The following ZNF160 variants were observed in gnomAD, a reference collection of about 807,000 sequenced individuals.
ZNF160 encodes KRAB zinc finger protein KR18.
In ZNF160, 9 loss-of-function variants were observed where a neutral mutation model predicts 13.1. The observed-to-expected ratio is 0.69, with a 90% CI of 0.41 to 1.20. The LOEUF (loss-of-function observed/expected upper bound fraction) is 1.20, where lower values mean the gene tolerates loss of function less well. Ranked by LOEUF, ZNF160 falls within the 50% of genes most tolerant of loss-of-function variation. The pLI, the probability that ZNF160 is intolerant of heterozygous loss-of-function variation, is 0.01. For synonymous variants in ZNF160, 293 were observed against 333.2 expected, an observed-to-expected ratio of 0.88 and a Z score of 1.31; for missense variants, 838 against 988.0, an observed-to-expected ratio of 0.85 and a Z score of 2.04.
At chr19:53,094,927 G>A (rs1182461875) in intron 1 of ZNF160, among the ~76,000 whole-genome samples, 2 of 151,812 alleles carry the variant, frequency 1.3e-5, no homozygotes, top group South Asian at 2.1e-4. Flanking sequence ...GGCCCTGCCC[G>A]CTTCCCACAG....
At chr19:53,075,325 C>T in intron 3 of ZNF160, 142 bp from the exon 4 acceptor site, 1 of 1,089,146 alleles carries the variant, frequency 9.2e-7, no homozygotes, top group East Asian at 2.5e-5. Context: ...ATGTGACATA[C>T]AGATTTGGTC....
At chr19:53,093,459 A>G (rs750465707) in intron 1 of ZNF160, 1 of 152,004 alleles carries the variant, frequency 6.6e-6, no homozygotes, top group Non-Finnish European at 1.5e-5. Flanking sequence ...AAAAAAGAAG[A>G]AAGGATGGAA....
intron 1 of ZNF160, 139 bp downstream of exon 1, chr19:53,103,126 C>T (rs2085509694): frequency 2.0e-5 from 3 of 151,984 alleles, no homozygotes; most frequent in African/African-American, 4.8e-5. Context: ...GCAGGAAAAT[C>T]CTGCTTAAAC....
chr19:53,090,561 A>C (rs948976183), intron 2 of ZNF160, among the ~76,000 whole-genome samples: 4 of 152,326 alleles, frequency 2.6e-5, no homozygotes, highest in Admixed American at 2.6e-4. Flanking sequence ...CACTTTTCCT[A>C]GTGGAGTGGA....
At position 53,097,913 on chromosome 19, in the gene ZNF160, G is replaced by A. The variant is rs573020696; in HGVS notation, c.-354+5352C>T. On this transcript the variant is annotated intron_variant, in intron 1 of 5. Coordinates refer to ENST00000683776, the MANE Select transcript of ZNF160 (RefSeq NM_001322131.2). ...GGGATCCACACCCTCAGGCCAAGGC[G>A]CCCATCCTCCTGCTGCTGAAGCTCC... Among the ~76,000 whole-genome samples, 19 of 152,270 alleles carry A rather than the reference G, an allele frequency of 1.2e-4. No individual in the cohort carries two copies. In the South Asian group the frequency reaches 3.3e-3, roughly 27 times the overall value.
intron 2 of ZNF160, among the ~76,000 whole-genome samples, chr19:53,088,537 T>A (rs2084926568): frequency 6.6e-6 from 1 of 151,732 alleles, no homozygotes. Context: ...AAAAAAGAAT[T>A]GAAGACAAAG....
intron 3 of ZNF160, among the ~76,000 whole-genome samples, chr19:53,077,565 G>T (rs964629373): frequency 6.6e-6 from 1 of 151,286 alleles, no homozygotes; most frequent in African/African-American, 2.4e-5. Context: ...AGCTACTCAG[G>T]AGGCTGAGAC....
intron 3 of ZNF160, among the ~76,000 whole-genome samples, chr19:53,077,660 C>A: frequency 7.7e-6 from 1 of 129,178 alleles, no homozygotes; most frequent in Non-Finnish European, 1.6e-5. Flanking sequence ...CAGAGTGAGA[C>A]TCCATCTCAA....
rs2083982673 is a variant in ZNF160, at chr19:53,066,742, G to A, written c.*1335C>T. 1 of 152,180 alleles carries A rather than the reference G, an allele frequency of 6.6e-6. No homozygotes were observed. Among genetic ancestry groups the A allele is most frequent in the African/African-American group, 2.4e-5 (1 of 41,442 alleles). The allele number at this position is 152,180 out of a possible 1,614,324, so 9.4% of individuals were successfully genotyped here. A position where few individuals can be genotyped will look rare whatever the true frequency, so the allele number is the denominator to read the frequency against. On this transcript the variant is annotated 3_prime_UTR_variant, in exon 6 of 6. Coordinates refer to ENST00000683776, the MANE Select transcript of ZNF160 (RefSeq NM_001322131.2). ...CTAAAGAATATGTTACTCTACTTCT[G>A]TTGATTAAACTCTTCACTCTGACAA...
chr19:53,074,334 A>G, intron 4 of ZNF160, 66 bp from the exon 5 acceptor site: 1 of 1,589,200 alleles, frequency 6.3e-7, no homozygotes, highest in Non-Finnish European at 8.6e-7. Flanking sequence ...CTATGTTTAC[A>G]TGAGAGGACA....
intron 1 of ZNF160, among the ~76,000 whole-genome samples, chr19:53,103,029 C>G (rs559569184): frequency 1.4e-4 from 22 of 152,198 alleles, no homozygotes; most frequent in Middle Eastern, 3.4e-3. Flanking sequence ...CAGGGGCCGA[C>G]GAGAGCGAGG....
intron 1 of ZNF160, among the ~76,000 whole-genome samples, chr19:53,097,323 C>T (rs1272578566): frequency 1.4e-5 from 2 of 147,692 alleles, no homozygotes; most frequent in Non-Finnish European, 1.5e-5. Context: ...TCTTGAGTTG[C>T]ACCCACAGAC....
chr19:53,098,805 G>C (rs1445238782), intron 1 of ZNF160, among the ~76,000 whole-genome samples: 1 of 151,110 alleles, frequency 6.6e-6, no homozygotes. Context: ...GTAGAGCGCG[G>C]AAGACCCGGG....
At chr19:53,090,806 G>GC (rs2085006594) in intron 2 of ZNF160, among the ~76,000 whole-genome samples, 1 of 152,160 alleles carries the variant, frequency 6.6e-6, no homozygotes, top group Admixed American at 6.5e-5. Context: ...CGCAATGAAG[G>GC]GCGAGGCTTA....
rs2084100252 is a variant in ZNF160 at position 53,069,857 on chromosome 19, C to A, written c.677G>T (p.Ser226Ile). 1 of 1,613,952 alleles carries A rather than the reference C, an allele frequency of 6.2e-7. No individual in the cohort carries two copies. Among genetic ancestry groups the A allele is most frequent in the Non-Finnish European group, 8.5e-7 (1 of 1,180,038 alleles). Residue 226 changes from serine (S) to isoleucine (I), a missense_variant, in exon 6 of 6, where the codon AGT (serine) becomes ATT (isoleucine). By Grantham distance (142) the Ser-to-Ile change is moderately radical (BLOSUM62 -2). Around this residue, in one of 3 missense-constraint regions of ZNF160, gnomAD observed 387 missense variants for 402.3 expected, o/e 0.96. Transcript: ENST00000683776. This position sits in a 1 kb window ranked among gnomAD's most constrained non-coding sequence, Gnocchi z 4.4. The stretch of plus-strand genomic sequence containing the variant: ...TTTTTTAGACCTGTGGGTTTGGACA[C>A]TAGAAGGAATTTGTTGAAGTGGTGA... Reference protein sequence around the residue: ...SVSPLQQIPSSVQTHRSKKYH... With the variant: ...SVSPLQQIPSIVQTHRSKKYH...
rs1309103654 is a variant in ZNF160 at position 53,086,250 on chromosome 19, G to GT, written c.15+11dup. On this transcript the variant is annotated intron_variant, in intron 3 of 5. Transcript: ENST00000683776. The stretch of plus-strand genomic sequence containing the variant: ...GAAATAAAAGAACAATCCACCAGGA[G>GT]TATCACTTTACCTGAGTAAGGGCCA... 3.2e-6 allele frequency: 5 copies of GT among 1,584,728 alleles called. No individual in the cohort carries two copies. The Admixed American group carries it at 5.5e-5, about 17-fold the overall frequency.
intron 1 of ZNF160, among the ~76,000 whole-genome samples, chr19:53,096,051 T>C (rs986253658): frequency 4.6e-5 from 7 of 152,106 alleles, no homozygotes; most frequent in Non-Finnish European, 8.8e-5. Flanking sequence ...ACCCTGTCTC[T>C]ACTAAAAATA....
At chr19:53,102,058 C>T (rs1324297965) in intron 1 of ZNF160, among the ~76,000 whole-genome samples, 1 of 152,012 alleles carries the variant, frequency 6.6e-6, no homozygotes, top group African/African-American at 2.4e-5. Context: ...CCCCTTTTAT[C>T]TTCCCCCTAG....
chr19:53,072,604 C>A (rs2084220697), intron 5 of ZNF160, among the ~76,000 whole-genome samples: 1 of 152,084 alleles, frequency 6.6e-6, no homozygotes, highest in Non-Finnish European at 1.5e-5. Context: ...GTAATCCCAG[C>A]ACTTTGGGAG....
Sources: gnomAD v4.1 joint callset for allele counts (sites outside exome capture counted in the v4.1 genomes callset) on GRCh38, gnomAD v4.1.1 for gene constraint, gnomAD v4.1.1 regional missense constraint, Gnocchi (gnomAD v3.1) non-coding constraint, MANE v1.5 for transcripts, NCBI Gene and HGNC (gene_info 2026-07-23, HGNC 2026-07-21) for gene names.